TENM2: variants seen among roughly 807,000 people sequenced by gnomAD.
The protein encoded by TENM2 is teneurin transmembrane protein 2.
Under a neutral mutation model 245.2 loss-of-function variants are expected in TENM2, and 52 were observed. The ratio of observed to expected loss-of-function variants is 0.21; its 90% confidence interval spans 0.17 to 0.27. TENM2 has a LOEUF of 0.27. TENM2 is among the 10% of genes least tolerant of loss of function. TENM2 has a pLI of 1.00. For synonymous variants in TENM2, 1,363 were observed against 1,438.9 expected, an observed-to-expected ratio of 0.95 and a Z score of 1.19; for missense variants, 3,046 against 3,666.8, an observed-to-expected ratio of 0.83 and a Z score of 4.37.
chr5:167,565,813 T>C (rs1277947850), intron 2 of TENM2, among the ~76,000 whole-genome samples: 1 of 152,198 alleles, frequency 6.6e-6, no homozygotes, highest in Non-Finnish European at 1.5e-5. Context: ...ATTCCCATTT[T>C]GCTCTCACAC....
intron 12 of TENM2, among the ~76,000 whole-genome samples, chr5:168,150,627 A>G (rs1439215903): frequency 6.6e-6 from 1 of 152,238 alleles, no homozygotes; most frequent in African/African-American, 2.4e-5. Context: ...GAAATTCTAC[A>G]TCTCCTGCTC....
chr5:167,961,013 C>G (rs1201297768), intron 4 of TENM2, among the ~76,000 whole-genome samples: 1 of 152,214 alleles, frequency 6.6e-6, no homozygotes, highest in East Asian at 1.9e-4. Context: ...TTCAGCTTGC[C>G]CTCTGTGGGC....
In TENM2 at chr5:168,072,870, A is replaced by T. The variant is rs147390524; in HGVS notation, c.1515+10605A>T. 7.9e-3 allele frequency among the ~76,000 whole-genome samples: 1,204 copies of T among 152,274 alleles called. 5 individuals are homozygous for T. Among genetic ancestry groups the T allele is most frequent in the Middle Eastern group, 0.017 (5 of 294 alleles). The stretch of plus-strand genomic sequence containing the variant: ...GCAACAAGGCGGCTCTGCAGGGGGA[A>T]CAGCAAGGATGCTGGCCGACACCAA... On this transcript the variant is annotated intron_variant, in intron 7 of 28. Transcript: ENST00000518659.
At position 167,804,049 on chromosome 5, in the gene TENM2, G is replaced by A. The variant is rs569968382; in HGVS notation, c.503-71937G>A. Among the ~76,000 whole-genome samples the A allele has an allele frequency of 2.0e-5, 3 of 151,964 alleles. No individual in the cohort carries two copies. In the East Asian group the frequency reaches 5.8e-4, roughly 29 times the overall value. On this transcript the variant is annotated intron_variant, in intron 2 of 28. Transcript: ENST00000518659. ...GCTCCTTGAAGCATTTTGGATTTTG[G>A]GTTTTAGAATTGGGGATGTTTAATG...
intron 2 of TENM2, among the ~76,000 whole-genome samples, chr5:167,456,618 A>T (rs12654709): frequency 6.6e-6 from 1 of 152,032 alleles, no homozygotes. Context: ...ATCCACTAGG[A>T]TATTAATTTC....
At chr5:167,818,970 A>G (rs1160449680) in intron 2 of TENM2, among the ~76,000 whole-genome samples, 2 of 152,118 alleles carry the variant, frequency 1.3e-5, no homozygotes, top group South Asian at 4.1e-4. Context: ...CTCACGTGAC[A>G]TCATCCCACA....
At chr5:168,179,134 GAAAAAAAA>G (rs35502066) in intron 13 of TENM2, among the ~76,000 whole-genome samples, 4 of 99,952 alleles carry the variant, frequency 4.0e-5, no homozygotes, top group African/African-American at 1.7e-4. Flanking sequence ...GACTCTGCCT[GAAAAAAAA>G]AAAAAAAAAA....
chr5:167,071,566 T>C, the TENM2 span, among the ~76,000 whole-genome samples: 8 of 152,290 alleles, frequency 5.3e-5, no homozygotes, highest in Middle Eastern at 3.4e-3. Flanking sequence ...ATAATCTTGA[T>C]TAGTCAATCC....
intron 2 of TENM2, among the ~76,000 whole-genome samples, chr5:167,532,371 G>A (rs910769698): frequency 6.6e-6 from 1 of 151,918 alleles, no homozygotes; most frequent in African/African-American, 2.4e-5. Context: ...ACATACCCGA[G>A]ACTGGGTATT....
At chr5:167,251,066 G>A in the TENM2 span, among the ~76,000 whole-genome samples, 7 of 152,006 alleles carry the variant, frequency 4.6e-5, no homozygotes, top group Admixed American at 3.9e-4. Flanking sequence ...CAGCTTGTAG[G>A]TATTTTAAAT....
At chr5:167,017,068 C>CT in the TENM2 span, among the ~76,000 whole-genome samples, 1 of 152,196 alleles carries the variant, frequency 6.6e-6, no homozygotes, top group East Asian at 1.9e-4. Context: ...ATGGAATCAG[C>CT]TTTTCTCTTC....
chr5:167,593,788 C>T (rs530461391), intron 2 of TENM2, among the ~76,000 whole-genome samples: 88 of 152,306 alleles, frequency 5.8e-4, no homozygotes, highest in African/African-American at 1.9e-3. Flanking sequence ...TTCCTGGTGT[C>T]GGAGATAAAC....
chr5:167,480,695 C>G (rs1211974859), intron 2 of TENM2, among the ~76,000 whole-genome samples: 1 of 152,158 alleles, frequency 6.6e-6, no homozygotes, highest in African/African-American at 2.4e-5. Context: ...TTTTAAAACA[C>G]TTTTCAGCTT....
the TENM2 span, among the ~76,000 whole-genome samples, chr5:167,127,628 TA>T: frequency 6.0e-3 from 739 of 123,014 alleles, 3 homozygotes; most frequent in African/African-American, 0.019. Context: ...TTTTTTTTTT[TA>T]AAAAAAAAAA....
intron 5 of TENM2, among the ~76,000 whole-genome samples, chr5:168,034,399 G>C (rs17069662): frequency 0.11 from 16,619 of 150,558 alleles, 1,137 homozygotes; most frequent in East Asian, 0.26. Context: ...GTAATTACCA[G>C]TGTAAAGCCA....
chr5:167,906,965 G>T (rs1356991106), intron 3 of TENM2, among the ~76,000 whole-genome samples: 1 of 152,186 alleles, frequency 6.6e-6, no homozygotes, highest in East Asian at 1.9e-4. Flanking sequence ...GGGCGCAGTG[G>T]CTCACGCCTG....
chr5:167,308,540 G>T (rs776324611), intron 1 of TENM2, among the ~76,000 whole-genome samples: 25 of 152,198 alleles, frequency 1.6e-4, no homozygotes. Context: ...GAGATGTGCT[G>T]TCTCAGCCCA....
chr5:167,396,169 TGTAGCATTATTCACA>T (rs1762038315), intron 2 of TENM2, among the ~76,000 whole-genome samples: 1 of 152,124 alleles, frequency 6.6e-6, no homozygotes, highest in Admixed American at 6.5e-5. Flanking sequence ...CCAAAGTCAT[TGTAGCATTATTCACA>T]GTAACCAAGA....
At chr5:167,171,281 T>C in the TENM2 span, among the ~76,000 whole-genome samples, 3 of 152,226 alleles carry the variant, frequency 2.0e-5, no homozygotes, top group African/African-American at 7.2e-5. Flanking sequence ...GCCTGGTAGC[T>C]GAATGGCCCC....
Sources: gnomAD v4.1 joint callset for allele counts (sites outside exome capture counted in the v4.1 genomes callset) on GRCh38, gnomAD v4.1.1 for gene constraint, MANE v1.5 for transcripts, NCBI Gene and HGNC (gene_info 2026-07-23, HGNC 2026-07-21) for gene names.